Variants in KLHL18 observed in about 807,000 individuals in gnomAD.
The protein encoded by KLHL18 is kelch like family member 18.
KLHL18 carries 38 observed loss-of-function variants against 58.5 expected under a neutral mutation model. The observed-to-expected ratio is 0.65, with a 90% CI of 0.50 to 0.85. The LOEUF (loss-of-function observed/expected upper bound fraction) is 0.85. Among genes scored for constraint, KLHL18 ranks in the 40% least tolerant of loss-of-function variants. The pLI is 0.00. For missense variants in KLHL18, 624 were observed against 778.4 expected, an observed-to-expected ratio of 0.80 and a Z score of 2.36; for synonymous variants, 303 against 301.9, an observed-to-expected ratio of 1.00 and a Z score of -0.04.
chr3:47,340,041 T>A (rs1285157619), intron 7 of KLHL18, among the ~76,000 whole-genome samples: 1 of 152,128 alleles, frequency 6.6e-6, no homozygotes, highest in Non-Finnish European at 1.5e-5. Flanking sequence ...AGAGCAAGGC[T>A]CTGATTAAAA....
intron 1 of KLHL18, among the ~76,000 whole-genome samples, chr3:47,299,033 C>T (rs1263351988): frequency 6.6e-6 from 1 of 152,184 alleles, no homozygotes; most frequent in Admixed American, 6.5e-5. Context: ...TTCCATTTCT[C>T]TGTAGTAAAT....
intron 1 of KLHL18, among the ~76,000 whole-genome samples, chr3:47,307,574 G>T (rs1703180189): frequency 6.8e-6 from 1 of 146,004 alleles, no homozygotes; most frequent in South Asian, 2.2e-4. Context: ...AAAAAAAATA[G>T]AGACAAGGTC....
chr3:47,343,422 G>T, intron 9 of KLHL18, 133 bp from the exon 10 acceptor site: 1 of 1,037,058 alleles, frequency 9.6e-7, no homozygotes, highest in Non-Finnish European at 1.4e-6. Context: ...AGGGAATACT[G>T]GGAGAGCTCC....
chr3:47,290,918 A>G (rs1702778762), intron 1 of KLHL18, among the ~76,000 whole-genome samples: 1 of 152,260 alleles, frequency 6.6e-6, no homozygotes, highest in Non-Finnish European at 1.5e-5. Context: ...TTGGACACCA[A>G]TTAGGTGAAT....
At chr3:47,319,878 G>C in intron 2 of KLHL18, 95 bp downstream of exon 2, 1 of 1,286,634 alleles carries the variant, frequency 7.8e-7, no homozygotes, top group Middle Eastern at 2.0e-4. Context: ...AGGACACAGT[G>C]TCTAATAGCC....
At chr3:47,319,565 G>T in intron 1 of KLHL18, 88 bp from the exon 2 acceptor site, 3 of 1,446,614 alleles carry the variant, frequency 2.1e-6, no homozygotes, top group Non-Finnish European at 2.8e-6. Context: ...CTGTGGAGCC[G>T]GGCGGAGGGG....
intron 1 of KLHL18, among the ~76,000 whole-genome samples, chr3:47,311,094 C>T (rs1703289030): frequency 6.6e-6 from 1 of 151,906 alleles, no homozygotes; most frequent in Non-Finnish European, 1.5e-5. Context: ...ACTGCAAGCT[C>T]TGCCTCCTGG....
intron 9 of KLHL18, among the ~76,000 whole-genome samples, chr3:47,343,259 G>T (rs1704149614): frequency 6.6e-6 from 1 of 152,242 alleles, no homozygotes. Context: ...GAGCCCTGGA[G>T]ATTACAGGAG....
rs751480046 is a variant in KLHL18 at position 47,329,943 on chromosome 3, T to A, written c.402-8T>A. On this transcript the variant is annotated splice_region_variant and splice_polypyrimidine_tract_variant and intron_variant, in intron 3 of 9. Coordinates refer to ENST00000232766, the MANE Select transcript of KLHL18 (RefSeq NM_025010.5). Reference sequence around the variant, plus strand: ...CTCTAATTTTTTTTTTCTTTCCTTATGCCAAAGGCTTCACCCAAAAAACTG... The same window carrying A: ...CTCTAATTTTTTTTTTCTTTCCTTAAGCCAAAGGCTTCACCCAAAAAACTG... 6.2e-7 allele frequency: 1 copy of A among 1,613,510 alleles called. No individual in the cohort carries two copies. The highest frequency in any genetic ancestry group is 8.5e-7 in the Non-Finnish European group (1 of 1,179,596).
At chr3:47,295,101 G>A (rs1389233695) in intron 1 of KLHL18, among the ~76,000 whole-genome samples, 1 of 152,156 alleles carries the variant, frequency 6.6e-6, no homozygotes, top group Non-Finnish European at 1.5e-5. Context: ...GAGGGGTAAT[G>A]GGAATGCAGG....
Position 47,330,107 on chromosome 3 carries a change from G to T in KLHL18, c.558G>T (p.Glu186Asp), listed in dbSNP as rs957452228. Residue 186 changes from glutamate (E) to aspartate (D), a missense_variant, in exon 4 of 10, where the codon GAG becomes GAT. By Grantham distance (45) the Glu-to-Asp change is conservative. Transcript: ENST00000232766. ...CCCTGCCCTTGGAAGACGTGCTTGA[G>T]CTGGTGTCTCGGGATGAGCTGAATG... is the stretch of plus-strand genomic sequence containing the variant. Reference protein sequence around the residue: ...FLALPLEDVLELVSRDELNVK... With the variant: ...FLALPLEDVLDLVSRDELNVK... 1 of 1,614,178 alleles carries T rather than the reference G, an allele frequency of 6.2e-7. No individual in the cohort carries two copies. The highest frequency in any genetic ancestry group is 8.5e-7 in the Non-Finnish European group (1 of 1,180,040).
chr3:47,330,352 T>C (rs1273023711), intron 4 of KLHL18, among the ~76,000 whole-genome samples: 2 of 152,256 alleles, frequency 1.3e-5, no homozygotes, highest in African/African-American at 2.4e-5. Flanking sequence ...AATATCTTGC[T>C]CTGTCACCTA....
At chr3:47,324,294 CTTTCTTTT>C (rs1472300615) in intron 3 of KLHL18, among the ~76,000 whole-genome samples, 1 of 10,606 alleles carries the variant, frequency 9.4e-5, no homozygotes, top group South Asian at 4.3e-3. Context: ...CTTTTTCTTT[CTTTCTTTT>C]TTTTTTTTTT....
chr3:47,313,923 A>G (rs1433280620), intron 1 of KLHL18, among the ~76,000 whole-genome samples: 3 of 152,224 alleles, frequency 2.0e-5, no homozygotes, highest in Non-Finnish European at 4.4e-5. Flanking sequence ...CCTACTGCAG[A>G]GGGTTGCTGT....
intron 9 of KLHL18, 128 bp from the exon 10 acceptor site, chr3:47,343,427 A>G: frequency 9.4e-7 from 1 of 1,068,914 alleles, no homozygotes; most frequent in Non-Finnish European, 1.4e-6. Context: ...ATACTGGGAG[A>G]GCTCCTTGTC....
intron 4 of KLHL18, 83 bp from the exon 5 acceptor site, chr3:47,333,074 A>C: frequency 7.1e-7 from 1 of 1,417,858 alleles, no homozygotes. Flanking sequence ...TCAGTATAGG[A>C]AGTGGAGGCA....
At chr3:47,339,294 A>G (rs962740864) in intron 7 of KLHL18, among the ~76,000 whole-genome samples, 2 of 151,992 alleles carry the variant, frequency 1.3e-5, no homozygotes, top group African/African-American at 4.8e-5. Context: ...CAGGAGTTTA[A>G]GACCAGCCTG....
intron 1 of KLHL18, among the ~76,000 whole-genome samples, chr3:47,315,738 G>C (rs979476427): frequency 6.6e-6 from 1 of 152,038 alleles, no homozygotes; most frequent in Non-Finnish European, 1.5e-5. Flanking sequence ...ATAGAAGACA[G>C]AGATCAAAAC....
intron 4 of KLHL18, among the ~76,000 whole-genome samples, chr3:47,332,786 A>G (rs1703894698): frequency 6.6e-6 from 1 of 151,486 alleles, no homozygotes; most frequent in African/African-American, 2.4e-5. Flanking sequence ...ATTTTAGATG[A>G]GGGGGGACAG....
Sources: allele counts gnomAD v4.1 joint callset (sites outside exome capture counted in the v4.1 genomes callset), GRCh38; gene constraint gnomAD v4.1.1; transcripts MANE v1.5; gene names NCBI Gene and HGNC (gene_info 2026-07-23, HGNC 2026-07-21).